Variants in KIRREL1 observed in about 807,000 individuals in gnomAD.
KIRREL1 encodes kin of IRRE-like protein 1.
KIRREL1 carries 25 observed loss-of-function variants against 83.3 expected under a neutral mutation model. That is an observed-to-expected ratio of 0.30 (90% CI 0.22 to 0.42). The LOEUF is 0.42. Among genes scored for constraint, KIRREL1 ranks in the 10% least tolerant of loss-of-function variants. The probability of loss-of-function intolerance (pLI) is 1.00; values close to 1 mark genes in which losing one functional copy is unlikely to be tolerated. For synonymous variants in KIRREL1, 388 were observed against 410.4 expected (o/e 0.95, Z 0.66); for missense variants, 812 against 1,032.3 (o/e 0.79, Z 2.92).
rs1192754137 is a variant in KIRREL1, at chr1:158,097,029, TC to T, written c.*1910del. On this transcript the variant is annotated 3_prime_UTR_variant, in exon 15 of 15. Transcript: ENST00000359209. ...AGATAATACCCAGGAAGCAAGTAGC[TC>T]TAATTTTAACTTCACAGGAAGTCTG... The T allele has an allele frequency of 2.2e-6, 1 of 456,900 alleles. No homozygotes were observed. The highest frequency in any genetic ancestry group is 6.9e-5 in the East Asian group (1 of 14,390). 28.3% of individuals were successfully genotyped at this position (456,900 alleles called of 1,614,324 possible).
chr1:158,016,939 A>G (rs1314579105), intron 1 of KIRREL1, among the ~76,000 whole-genome samples: 1 of 152,216 alleles, frequency 6.6e-6, no homozygotes, highest in African/African-American at 2.4e-5. Flanking sequence ...TTGGCCCTGC[A>G]TTCTTTGTCT....
chr1:158,012,733 G>A (rs192412700), intron 1 of KIRREL1, among the ~76,000 whole-genome samples: 1 of 152,328 alleles, frequency 6.6e-6, no homozygotes, highest in African/African-American at 2.4e-5. Context: ...AGTCTATAGG[G>A]GCAAGGGCCT....
chr1:158,082,608 C>G (rs939826826), intron 3 of KIRREL1, among the ~76,000 whole-genome samples: 10 of 152,182 alleles, frequency 6.6e-5, no homozygotes, highest in Admixed American at 2.0e-4. Flanking sequence ...TCTGCACACT[C>G]CTCTCGAGTG....
At chr1:158,054,848 G>A (rs1372455010) in intron 1 of KIRREL1, among the ~76,000 whole-genome samples, 1 of 152,168 alleles carries the variant, frequency 6.6e-6, no homozygotes, top group African/African-American at 2.4e-5. Context: ...GACCTGTGCT[G>A]GGGGATGTTG....
At chr1:158,035,386 T>A (rs1660448662) in intron 1 of KIRREL1, among the ~76,000 whole-genome samples, 1 of 152,180 alleles carries the variant, frequency 6.6e-6, no homozygotes, top group South Asian at 2.1e-4. Flanking sequence ...ATCTCTGGCA[T>A]CTTTCCTCCA....
intron 1 of KIRREL1, among the ~76,000 whole-genome samples, chr1:158,015,078 C>T (rs1557988989): frequency 6.6e-6 from 1 of 152,046 alleles, no homozygotes; most frequent in Non-Finnish European, 1.5e-5. Flanking sequence ...CCAAAGTACT[C>T]TTTTGTTTTT....
chr1:158,091,706 G>T, intron 11 of KIRREL1, 150 bp downstream of exon 11: 2 of 736,380 alleles, frequency 2.7e-6, no homozygotes, highest in South Asian at 3.5e-5. Flanking sequence ...TGGCTGAGAG[G>T]TCAGGAGTGA....
At chr1:158,071,734 G>A (rs972283008) in intron 1 of KIRREL1, among the ~76,000 whole-genome samples, 1 of 152,108 alleles carries the variant, frequency 6.6e-6, no homozygotes, top group East Asian at 1.9e-4. Context: ...GCATAGGGAC[G>A]GGATTGAAAT....
intron 1 of KIRREL1, among the ~76,000 whole-genome samples, chr1:158,064,952 T>TTTA (rs1661320391): frequency 6.7e-6 from 1 of 148,306 alleles, no homozygotes; most frequent in Non-Finnish European, 1.5e-5. Flanking sequence ...TTTTTTTTTT[T>TTTA]AATTTTGAAG....
intron 1 of KIRREL1, among the ~76,000 whole-genome samples, chr1:158,004,335 A>T (rs1659453642): frequency 6.6e-6 from 1 of 152,240 alleles, no homozygotes; most frequent in South Asian, 2.1e-4. Flanking sequence ...TGAGAGATGA[A>T]CAAAGAATAG....
chr1:158,046,170 A>G (rs1660772081), intron 1 of KIRREL1, among the ~76,000 whole-genome samples: 1 of 152,242 alleles, frequency 6.6e-6, no homozygotes, highest in Non-Finnish European at 1.5e-5. Context: ...ACAAGATGAT[A>G]GCTTGGGCAC....
At chr1:158,093,991 AC>A (rs1558020280) in intron 13 of KIRREL1, among the ~76,000 whole-genome samples, 1 of 152,200 alleles carries the variant, frequency 6.6e-6, no homozygotes, top group Non-Finnish European at 1.5e-5. Flanking sequence ...CCTTTGCCCC[AC>A]AGTGTGTGAA....
intron 1 of KIRREL1, among the ~76,000 whole-genome samples, chr1:158,072,079 C>A (rs1467565606): frequency 6.6e-6 from 1 of 152,132 alleles, no homozygotes; most frequent in Non-Finnish European, 1.5e-5. Flanking sequence ...CCGTCCAGAG[C>A]CTGTTTCCCT....
At chr1:158,058,834 C>T in intron 1 of KIRREL1, among the ~76,000 whole-genome samples, 1 of 152,148 alleles carries the variant, frequency 6.6e-6, no homozygotes, top group African/African-American at 2.4e-5. Flanking sequence ...GGTCCAAACC[C>T]AGCTCATCCA....
At chr1:158,024,113 A>C (rs1660086470) in intron 1 of KIRREL1, among the ~76,000 whole-genome samples, 1 of 151,240 alleles carries the variant, frequency 6.6e-6, no homozygotes. Context: ...GCACCTGGCT[A>C]ATTTTTTGTA....
At chr1:158,017,737 GTTTC>G (rs1434092662) in intron 1 of KIRREL1, among the ~76,000 whole-genome samples, 1 of 128,546 alleles carries the variant, frequency 7.8e-6, no homozygotes, top group Admixed American at 8.7e-5. Flanking sequence ...AAAGAAAATA[GTTTC>G]TTTTTTTTTC....
intron 1 of KIRREL1, among the ~76,000 whole-genome samples, chr1:158,071,145 T>C (rs1036575031): frequency 6.6e-6 from 1 of 152,162 alleles, no homozygotes; most frequent in African/African-American, 2.4e-5. Context: ...TCTCACTGGC[T>C]CCTCCTGGCA....
intron 10 of KIRREL1, among the ~76,000 whole-genome samples, chr1:158,090,412 C>G (rs1662161163): frequency 6.6e-6 from 1 of 152,180 alleles, no homozygotes; most frequent in African/African-American, 2.4e-5. Context: ...CCATTAATTC[C>G]TTCCGTGACT....
At chr1:158,058,888 C>T (rs988382600) in intron 1 of KIRREL1, among the ~76,000 whole-genome samples, 1 of 152,140 alleles carries the variant, frequency 6.6e-6, no homozygotes, top group Non-Finnish European at 1.5e-5. Flanking sequence ...AAGAACAGAA[C>T]ATAATACTGA....
Sources: allele counts gnomAD v4.1 joint callset (sites outside exome capture counted in the v4.1 genomes callset), GRCh38; gene constraint gnomAD v4.1.1; transcripts MANE v1.5; gene names NCBI Gene and HGNC (gene_info 2026-07-23, HGNC 2026-07-21).